The following PCDHAC1 variants were observed in gnomAD, a reference collection of about 807,000 sequenced individuals.
PCDHAC1 encodes the protein protocadherin alpha subfamily C, 1.
PCDHAC1 carries 42 observed loss-of-function variants against 60.0 expected under a neutral mutation model. The ratio of observed to expected loss-of-function variants is 0.70; its 90% CI spans 0.55 to 0.90. The LOEUF (loss-of-function observed/expected upper bound fraction) is 0.90. Ranked by LOEUF, PCDHAC1 falls within the 40% of genes least tolerant of loss-of-function variation. PCDHAC1 has a pLI of 0.00. For synonymous variants in PCDHAC1, 468 were observed against 499.3 expected (o/e 0.94, Z 0.84); for missense variants, 1,160 against 1,222.3 (o/e 0.95, Z 0.76).
At chr5:140,976,208 A>G (rs2096706017) in intron 1 of PCDHAC1, among the ~76,000 whole-genome samples, 1 of 152,202 alleles carries the variant, frequency 6.6e-6, no homozygotes, top group Non-Finnish European at 1.5e-5. Context: ...TCAGAAGTAA[A>G]AAAGAGAAAG....
At chr5:140,939,894 T>A (rs1554213013) in intron 1 of PCDHAC1, among the ~76,000 whole-genome samples, 1 of 152,220 alleles carries the variant, frequency 6.6e-6, no homozygotes, top group African/African-American at 2.4e-5. Flanking sequence ...TGTTCAAATA[T>A]TCTGCATTCT....
chr5:140,964,939 T>C (rs1230992301), intron 1 of PCDHAC1, among the ~76,000 whole-genome samples: 1 of 152,182 alleles, frequency 6.6e-6, no homozygotes, highest in Non-Finnish European at 1.5e-5. Flanking sequence ...GGAGCATTGA[T>C]AGTGAGTGTG....
rs1316555766 is a variant in PCDHAC1, at chr5:141,011,101, T to C, written c.*1164T>C. 1.3e-5 allele frequency: 2 copies of C among 153,710 alleles called. No homozygotes were observed. The highest frequency in any genetic ancestry group is 2.9e-5 in the Non-Finnish European group (2 of 68,016). The allele number at this position is 153,710 out of a possible 1,614,324, so 9.5% of individuals were successfully genotyped here. A position where few individuals can be genotyped will look rare whatever the true frequency, so the allele number is the denominator to read the frequency against. On this transcript the variant is annotated 3_prime_UTR_variant, in exon 4 of 4. Coordinates refer to ENST00000253807, the MANE Select transcript of PCDHAC1 (RefSeq NM_018898.5). ...AATGATCTCTCTTTCTCTCTCTCTC[T>C]CTCTTTTCTAAGAAACAATTATGTG...
At chr5:141,002,583 C>T (rs781898349) in intron 3 of PCDHAC1, among the ~76,000 whole-genome samples, 6 of 152,176 alleles carry the variant, frequency 3.9e-5, no homozygotes, top group Non-Finnish European at 7.3e-5. Context: ...GACCATTAGT[C>T]CTTAGTCCCC....
chr5:140,995,918 G>A (rs1303145667), intron 3 of PCDHAC1, among the ~76,000 whole-genome samples: 1 of 152,180 alleles, frequency 6.6e-6, no homozygotes, highest in Non-Finnish European at 1.5e-5. Flanking sequence ...GAGACCATAG[G>A]CTGTTGTAAG....
At chr5:140,949,682 A>T (rs1229666281) in intron 1 of PCDHAC1, among the ~76,000 whole-genome samples, 3 of 151,768 alleles carry the variant, frequency 2.0e-5, no homozygotes, top group Non-Finnish European at 4.4e-5. Context: ...CCCTTGTTGA[A>T]GCGTATTGTT....
chr5:140,928,615 A>T lies in PCDHAC1; in HGVS notation c.1723A>T (p.Arg575Trp). Residue 575 changes from arginine (R) to tryptophan (W), a missense_variant, in exon 1 of 4, where the codon AGG (arginine) becomes TGG (tryptophan). Physicochemically the swap from Arg to Trp is moderately radical, Grantham distance 101 (BLOSUM62 -3). Transcript: ENST00000253807. ...VPVEIVPRSA[R>W]TGHLVTKVVA... ...AGTGGAAATTGTGCCCCGCTCTGCCAGGACTGGACACTTGGTCACAAAAGT... is the reference window on the plus strand; with the variant it reads ...AGTGGAAATTGTGCCCCGCTCTGCCTGGACTGGACACTTGGTCACAAAAGT... 6.2e-7 allele frequency: 1 copy of T among 1,614,276 alleles called. No individual in the cohort carries two copies.
At chr5:141,003,938 G>A (rs1195315346) in intron 3 of PCDHAC1, among the ~76,000 whole-genome samples, 1 of 152,178 alleles carries the variant, frequency 6.6e-6, no homozygotes, top group Non-Finnish European at 1.5e-5. Flanking sequence ...GTCTTTGCCT[G>A]AGGGTGAGCT....
intron 1 of PCDHAC1, chr5:140,967,059 C>A (rs2153750398): frequency 6.2e-7 from 1 of 1,612,750 alleles, no homozygotes; most frequent in Non-Finnish European, 8.5e-7. Context: ...ACGAGTGGAG[C>A]GCTCTTCGTC....
chr5:140,939,634 G>T (rs1032922800), intron 1 of PCDHAC1, among the ~76,000 whole-genome samples: 12 of 152,184 alleles, frequency 7.9e-5, no homozygotes, highest in South Asian at 4.1e-4. Flanking sequence ...AATCAATAAG[G>T]GTACTGAAAA....
At chr5:140,962,585 T>C (rs2095694248) in intron 1 of PCDHAC1, among the ~76,000 whole-genome samples, 1 of 152,216 alleles carries the variant, frequency 6.6e-6, no homozygotes, top group South Asian at 2.1e-4. Flanking sequence ...ATGCCAAATA[T>C]TTGACTGATA....
intron 1 of PCDHAC1, among the ~76,000 whole-genome samples, chr5:140,973,878 A>T (rs1440672302): frequency 6.6e-6 from 1 of 152,214 alleles, no homozygotes; most frequent in African/African-American, 2.4e-5. Context: ...GGTCAGAATA[A>T]TGTCAATTTG....
chr5:140,987,536 A>G (rs555442118), intron 3 of PCDHAC1, among the ~76,000 whole-genome samples: 126 of 152,290 alleles, frequency 8.3e-4, no homozygotes, highest in Non-Finnish European at 1.6e-3. Context: ...TCCTGGGACC[A>G]TTACTTAACT....
chr5:140,938,484 A>G (rs914020751), intron 1 of PCDHAC1, among the ~76,000 whole-genome samples: 14 of 152,182 alleles, frequency 9.2e-5, no homozygotes, highest in African/African-American at 2.9e-4. Flanking sequence ...TTTAAAAATC[A>G]TGAATAGGCA....
intron 1 of PCDHAC1, chr5:140,967,137 T>C: frequency 1.2e-6 from 2 of 1,611,728 alleles, no homozygotes; most frequent in Non-Finnish European, 1.7e-6. Context: ...TTGGAAGTGC[T>C]GGCGCACAAC....
chr5:141,007,174 G>T (rs926344346), intron 3 of PCDHAC1, among the ~76,000 whole-genome samples: 9 of 152,118 alleles, frequency 5.9e-5, no homozygotes, highest in African/African-American at 2.2e-4. Context: ...AGAGAGAAAG[G>T]TCAGGAGAAT....
chr5:140,937,868 C>T (rs1433466146), intron 1 of PCDHAC1, among the ~76,000 whole-genome samples: 2 of 150,648 alleles, frequency 1.3e-5, no homozygotes, highest in Admixed American at 6.6e-5. Context: ...GCCGAGATCG[C>T]GCCACTGCAC....
Position 140,928,400 on chromosome 5 carries a change from C to G in PCDHAC1, c.1508C>G (p.Ser503Cys). Residue 503 changes from serine to cysteine, a missense_variant, in exon 1 of 4, where the codon TCC becomes TGC. Transcript: ENST00000253807. ...SASSLLAVES[S>C]SGAITAKTSF... ...TCTAGCTTGCTGGCAGTGGAATCAT[C>G]CAGTGGGGCCATCACTGCCAAAACT... is the stretch of plus-strand genomic sequence containing the variant. 6.2e-7 allele frequency: 1 copy of G among 1,614,038 alleles called. No homozygotes were observed. Among genetic ancestry groups the G allele is most frequent in the Non-Finnish European group, 8.5e-7 (1 of 1,179,960 alleles).
intron 1 of PCDHAC1, among the ~76,000 whole-genome samples, chr5:140,934,524 G>A (rs181182103): frequency 4.4e-4 from 67 of 152,192 alleles, no homozygotes; most frequent in Admixed American, 3.1e-3. Context: ...ACCACACTTC[G>A]AGAGCTACCG....
Sources: allele counts gnomAD v4.1 joint callset (sites outside exome capture counted in the v4.1 genomes callset), GRCh38; gene constraint gnomAD v4.1.1; transcripts MANE v1.5; gene names NCBI Gene and HGNC (gene_info 2026-07-23, HGNC 2026-07-21).